Variants in AFF3 observed in about 807,000 individuals in gnomAD.
The protein encoded by AFF3 is AF4/FMR2 family member 3.
A neutral mutation model predicts 129.7 loss-of-function variants in AFF3; 32 were observed. That is an observed-to-expected ratio of 0.25 (90% confidence interval 0.19 to 0.33). The LOEUF is 0.33. AFF3 is among the 10% of genes least tolerant of loss of function. AFF3 has a pLI of 1.00. For synonymous variants in AFF3, 644 were observed against 635.4 expected, an observed-to-expected ratio of 1.01 and a Z score of -0.20; for missense variants, 1,373 against 1,592.0, an observed-to-expected ratio of 0.86 and a Z score of 2.34.
chr2:99,695,321 G>C (rs1271917464), intron 11 of AFF3, among the ~76,000 whole-genome samples: 1 of 152,184 alleles, frequency 6.6e-6, no homozygotes, highest in African/African-American at 2.4e-5. Flanking sequence ...CCCACGCTCA[G>C]TTCTTCACTG....
chr2:99,899,802 G>T (rs886939430), intron 7 of AFF3, among the ~76,000 whole-genome samples: 10 of 152,208 alleles, frequency 6.6e-5, no homozygotes, highest in African/African-American at 2.4e-4. Context: ...AAATAGAAAG[G>T]CAAAGGAAAT....
intron 7 of AFF3, among the ~76,000 whole-genome samples, chr2:99,930,853 C>G (rs1189324955): frequency 1.3e-5 from 2 of 152,144 alleles, no homozygotes. Context: ...AGGACATGTT[C>G]CATTTCTATG....
chr2:99,644,057 C>T (rs1444729849), intron 13 of AFF3, among the ~76,000 whole-genome samples: 1 of 152,190 alleles, frequency 6.6e-6, no homozygotes, highest in African/African-American at 2.4e-5. Flanking sequence ...CAGCACAGCA[C>T]CCCACAGAGC....
intron 8 of AFF3, among the ~76,000 whole-genome samples, chr2:99,802,914 T>C (rs981205278): frequency 6.6e-6 from 1 of 152,128 alleles, no homozygotes. Context: ...AAGAGATAGT[T>C]TGACTTCCTC....
intron 9 of AFF3, among the ~76,000 whole-genome samples, 178 bp downstream of exon 9, chr2:99,752,043 T>C (rs1681702350): frequency 1.3e-5 from 2 of 152,366 alleles, no homozygotes; most frequent in South Asian, 4.1e-4. Flanking sequence ...ATTGGAGGCT[T>C]GATTCTCCCC....
intron 11 of AFF3, among the ~76,000 whole-genome samples, chr2:99,724,708 AT>A (rs1360784002): frequency 6.6e-6 from 1 of 152,206 alleles, no homozygotes; most frequent in Non-Finnish European, 1.5e-5. Context: ...GGCATCCTGA[AT>A]CTCACTCTTT....
At chr2:100,066,735 C>G (rs930167315) in intron 4 of AFF3, among the ~76,000 whole-genome samples, 1 of 152,212 alleles carries the variant, frequency 6.6e-6, no homozygotes, top group African/African-American at 2.4e-5. Flanking sequence ...GAAACACTCT[C>G]TTCCATCTTA....
chr2:100,085,029 CA>C (rs1217325762), intron 4 of AFF3, among the ~76,000 whole-genome samples: 2 of 152,102 alleles, frequency 1.3e-5, no homozygotes, highest in African/African-American at 4.8e-5. Flanking sequence ...ACTGAGTATA[CA>C]AAATTATCAG....
In AFF3 at chr2:99,560,958, G is replaced by A. The variant is rs112566504; in HGVS notation, c.3120-522C>T. The stretch of plus-strand genomic sequence containing the variant: ...GTTTGCTTCTACAGACAGATACTAC[G>A]AGAAACTAGTGGCTTTTATGGACTG... On this transcript the variant is annotated intron_variant, in intron 20 of 24. Coordinates refer to ENST00000672756, the MANE Select transcript of AFF3 (RefSeq NM_001386135.1). 4.9e-3 allele frequency among the ~76,000 whole-genome samples: 740 copies of A among 152,262 alleles called. 2 individuals carry two copies. Among genetic ancestry groups the A allele is most frequent in the Non-Finnish European group, 8.6e-3 (583 of 68,016 alleles).
chr2:99,577,614 A>G (rs1677125305), intron 18 of AFF3, among the ~76,000 whole-genome samples: 2 of 152,338 alleles, frequency 1.3e-5, no homozygotes, highest in Admixed American at 1.3e-4. Flanking sequence ...AGGACTGCTA[A>G]AGCTGAAAAG....
At chr2:99,830,297 A>T (rs1241524085) in intron 8 of AFF3, among the ~76,000 whole-genome samples, 1 of 152,216 alleles carries the variant, frequency 6.6e-6, no homozygotes, top group African/African-American at 2.4e-5. Flanking sequence ...AAAAAAATAA[A>T]AATAAAAATA....
intron 8 of AFF3, among the ~76,000 whole-genome samples, chr2:99,812,607 G>A (rs775839349): frequency 3.3e-5 from 5 of 152,254 alleles, no homozygotes; most frequent in African/African-American, 1.2e-4. Flanking sequence ...AAGGGAAGTC[G>A]AGTGTGACTC....
At chr2:100,007,551 G>A in intron 5 of AFF3, 91 bp from the exon 6 acceptor site, 1 of 1,206,116 alleles carries the variant, frequency 8.3e-7, no homozygotes, top group African/African-American at 1.5e-5. Flanking sequence ...CACAGAGCCA[G>A]GGTTGTCACA....
At chr2:99,750,770 C>T (rs1681578486) in intron 9 of AFF3, among the ~76,000 whole-genome samples, 1 of 152,112 alleles carries the variant, frequency 6.6e-6, no homozygotes, top group South Asian at 2.1e-4. Context: ...ATGCCCAGAA[C>T]CACAATTCCT....
At chr2:99,958,993 A>G (rs1019317368) in intron 7 of AFF3, among the ~76,000 whole-genome samples, 1 of 151,912 alleles carries the variant, frequency 6.6e-6, no homozygotes, top group African/African-American at 2.4e-5. Flanking sequence ...GCTACTTGGG[A>G]GGCTAAGGTG....
chr2:100,037,991 ACT>A (rs1373327995), intron 4 of AFF3, among the ~76,000 whole-genome samples: 1 of 151,272 alleles, frequency 6.6e-6, no homozygotes, highest in African/African-American at 2.4e-5. Flanking sequence ...ATCTCTGCAG[ACT>A]CTGAAATGAC....
chr2:99,791,745 C>T (rs1685202512), intron 8 of AFF3, among the ~76,000 whole-genome samples: 1 of 152,168 alleles, frequency 6.6e-6, no homozygotes, highest in South Asian at 2.1e-4. Flanking sequence ...AAAAAGGTGA[C>T]ACGCTGTCTT....
At chr2:99,587,587 T>C (rs12998444) in intron 15 of AFF3, among the ~76,000 whole-genome samples, 26,417 of 152,254 alleles carry the variant, frequency 0.17, 2,448 homozygotes, top group South Asian at 0.24. Context: ...CCAACTGGTC[T>C]GAGTTCCCAC....
At position 99,649,681 on chromosome 2, in the gene AFF3, G is replaced by GGGCA. The variant is rs747982131; in HGVS notation, c.1144-19_1144-16dup. ...TGAGCTGCCTGCTGGAAGAAAGAAA[G>GGGCA]GGCAGAGATGTTTATTTAATATTCT... is the stretch of plus-strand genomic sequence containing the variant. On this transcript the variant is annotated splice_polypyrimidine_tract_variant and intron_variant, in intron 12 of 24. Transcript: ENST00000672756. The GGGCA allele has an allele frequency of 1.2e-6, 2 of 1,613,896 alleles. No homozygotes were observed. The highest frequency in any genetic ancestry group is 3.3e-5 in the Admixed American group (2 of 60,006).
Sources: allele counts gnomAD v4.1 joint callset (sites outside exome capture counted in the v4.1 genomes callset), GRCh38; gene constraint gnomAD v4.1.1; transcripts MANE v1.5; gene names NCBI Gene and HGNC (gene_info 2026-07-23, HGNC 2026-07-21).